Variants in ROBO1 observed in about 807,000 individuals in gnomAD.
The protein encoded by ROBO1 is roundabout homolog 1.
A neutral mutation model predicts 195.9 loss-of-function variants in ROBO1; 149 were observed. The observed-to-expected ratio is 0.76, with a 90% CI of 0.67 to 0.87. ROBO1 has a LOEUF of 0.87. Among genes scored for constraint, ROBO1 ranks in the 40% least tolerant of loss-of-function variants. The pLI is 0.00. For synonymous variants in ROBO1, 816 were observed against 733.2 expected (o/e 1.11, Z -1.82); for missense variants, 1,933 against 2,068.3 (o/e 0.93, Z 1.27).
intron 2 of ROBO1, among the ~76,000 whole-genome samples, chr3:79,574,196 C>T (rs1456789846): frequency 6.6e-6 from 1 of 152,008 alleles, no homozygotes; most frequent in African/African-American, 2.4e-5. Context: ...CTGAGTCTAT[C>T]AGACATTTCT....
chr3:79,540,257 G>A (rs1270654041), intron 2 of ROBO1, among the ~76,000 whole-genome samples: 2 of 151,938 alleles, frequency 1.3e-5, no homozygotes, highest in African/African-American at 2.4e-5. Flanking sequence ...ATTTTGTTTC[G>A]AGCCCAGAAT....
chr3:78,685,900 A>T lies in ROBO1; in HGVS notation c.1188T>A (p.Tyr396Ter). The T allele has an allele frequency of 6.3e-7, 1 of 1,595,062 alleles. No homozygotes were observed. Among genetic ancestry groups the T allele is most frequent in the Non-Finnish European group, 8.6e-7 (1 of 1,169,028 alleles). Residue 396 changes from tyrosine (Y) to a stop codon, truncating the protein, a stop_gained, in exon 10 of 31, where the codon TAT becomes TAA. Transcript: ENST00000464233. LOFTEE classifies it high-confidence loss of function. ...REGSQNLLFS[Y>*]QPPQSSSRFS... ...ATCGGCTGGATGACTGTGGTGGTTG[A>T]TATGAGAAAAGTAGATTCTAGAACC...
intron 1 of ROBO1, among the ~76,000 whole-genome samples, chr3:79,685,276 G>T (rs1229498629): frequency 1.3e-5 from 2 of 152,092 alleles, no homozygotes; most frequent in African/African-American, 2.4e-5. Flanking sequence ...CTTGTGCAGG[G>T]TTCAAGGCCA....
At chr3:79,051,713 CAGA>C (rs2078702932) in intron 3 of ROBO1, among the ~76,000 whole-genome samples, 2 of 152,090 alleles carry the variant, frequency 1.3e-5, no homozygotes, top group South Asian at 4.1e-4. Context: ...GAAGCCATGG[CAGA>C]AGAACATAAG....
At chr3:79,451,078 A>G (rs558261150) in intron 2 of ROBO1, among the ~76,000 whole-genome samples, 1 of 152,024 alleles carries the variant, frequency 6.6e-6, no homozygotes, top group African/African-American at 2.4e-5. Flanking sequence ...TTAGATTATT[A>G]CTACACTTTA....
At chr3:79,287,953 C>T (rs11127642) in intron 2 of ROBO1, among the ~76,000 whole-genome samples, 58,009 of 151,794 alleles carry the variant, frequency 0.38, 15,979 homozygotes, top group African/African-American at 0.79. Context: ...AATGAGAACA[C>T]CCTAACCATT....
intron 25 of ROBO1, 85 bp downstream of exon 25, chr3:78,631,076 C>T (rs1705149576): frequency 7.1e-7 from 1 of 1,401,546 alleles, no homozygotes; most frequent in Non-Finnish European, 9.7e-7. Flanking sequence ...TCAGTCTTCT[C>T]TTGACCACCT....
chr3:78,971,749 TG>T (rs202060182), intron 3 of ROBO1, among the ~76,000 whole-genome samples: 178 of 143,620 alleles, frequency 1.2e-3, no homozygotes, highest in Middle Eastern at 6.8e-3. Context: ...ATATTTTTTT[TG>T]TTGTTGTTGT....
intron 2 of ROBO1, among the ~76,000 whole-genome samples, chr3:79,576,212 C>T (rs1479628803): frequency 6.6e-6 from 1 of 151,896 alleles, no homozygotes; most frequent in Non-Finnish European, 1.5e-5. Context: ...TCATTAACCA[C>T]ATTAAAATTT....
chr3:78,685,115 T>C (rs2107819244), intron 10 of ROBO1, among the ~76,000 whole-genome samples: 1 of 152,220 alleles, frequency 6.6e-6, no homozygotes, highest in South Asian at 2.1e-4. Flanking sequence ...TATTTATATG[T>C]ATATGAAATA....
intron 2 of ROBO1, among the ~76,000 whole-genome samples, chr3:79,202,328 C>G (rs2081781549): frequency 6.6e-6 from 1 of 151,936 alleles, no homozygotes; most frequent in African/African-American, 2.4e-5. Context: ...CTACAAACAT[C>G]CCTGGATTTT....
chr3:78,808,806 G>A (rs138968019), intron 4 of ROBO1, among the ~76,000 whole-genome samples: 1,842 of 152,244 alleles, frequency 0.012, 15 homozygotes, highest in Non-Finnish European at 0.02. Flanking sequence ...GCAGAAAACT[G>A]AAACTGGATC....
chr3:79,053,885 G>A (rs879797540), intron 3 of ROBO1, among the ~76,000 whole-genome samples: 1 of 152,096 alleles, frequency 6.6e-6, no homozygotes, highest in Non-Finnish European at 1.5e-5. Context: ...ACTTCCAAGG[G>A]ATATAAATGT....
intron 1 of ROBO1, among the ~76,000 whole-genome samples, chr3:79,617,214 T>A (rs1364510904): frequency 6.6e-6 from 1 of 152,146 alleles, no homozygotes; most frequent in Admixed American, 6.6e-5. Flanking sequence ...TATGTGCTTC[T>A]GGTCATCTTC....
intron 2 of ROBO1, among the ~76,000 whole-genome samples, chr3:79,448,354 T>C (rs1418704913): frequency 2.6e-5 from 4 of 152,220 alleles, no homozygotes; most frequent in Non-Finnish European, 5.9e-5. Flanking sequence ...ACATAGCACA[T>C]AATTCTCATC....
intron 1 of ROBO1, among the ~76,000 whole-genome samples, chr3:79,707,337 G>A (rs930707140): frequency 3.3e-5 from 5 of 152,054 alleles, no homozygotes; most frequent in African/African-American, 1.2e-4. Context: ...AGGACCCAGA[G>A]TTATGTCCCC....
intron 1 of ROBO1, among the ~76,000 whole-genome samples, chr3:79,626,751 C>T (rs1266803082): frequency 6.6e-6 from 1 of 152,066 alleles, no homozygotes; most frequent in Non-Finnish European, 1.5e-5. Flanking sequence ...TTAGAAAATC[C>T]TATCATCTCA....
At chr3:79,624,055 A>G (rs1396689417) in intron 1 of ROBO1, among the ~76,000 whole-genome samples, 1 of 152,224 alleles carries the variant, frequency 6.6e-6, no homozygotes, top group Non-Finnish European at 1.5e-5. Flanking sequence ...ACATTCTTAA[A>G]GAAAATAATT....
chr3:79,611,129 T>C (rs1034916162), intron 1 of ROBO1, among the ~76,000 whole-genome samples: 2 of 152,030 alleles, frequency 1.3e-5, no homozygotes, highest in Non-Finnish European at 2.9e-5. Flanking sequence ...AGGGGCTAAG[T>C]TGAGCAGAAG....
Sources: gnomAD v4.1 joint callset for allele counts (sites outside exome capture counted in the v4.1 genomes callset) on GRCh38, gnomAD v4.1.1 for gene constraint, MANE v1.5 for transcripts, NCBI Gene and HGNC (gene_info 2026-07-23, HGNC 2026-07-21) for gene names.